The following TCF12 variants were observed in gnomAD, a reference collection of about 807,000 sequenced individuals.
The protein encoded by TCF12 is transcription factor 12, also known as DNA-binding protein HTF4.
TCF12 carries 45 observed loss-of-function variants against 86.0 expected under a neutral mutation model. That is an observed-to-expected ratio of 0.52 (90% CI 0.41 to 0.67). TCF12 has a LOEUF of 0.67. Among genes scored for constraint, TCF12 ranks in the 30% least tolerant of loss-of-function variants. The pLI, the probability that TCF12 is intolerant of heterozygous loss-of-function variation, is 0.00. For missense variants in TCF12, 881 were observed against 859.9 expected, an observed-to-expected ratio of 1.02 and a Z score of -0.31; for synonymous variants, 330 against 299.6, an observed-to-expected ratio of 1.10 and a Z score of -1.05.
intron 5 of TCF12, among the ~76,000 whole-genome samples, chr15:57,125,913 A>G (rs1181788299): frequency 3.3e-5 from 5 of 152,214 alleles, no homozygotes; most frequent in Admixed American, 1.3e-4. Context: ...TAGGTTTATC[A>G]TACTTAGATT....
intron 5 of TCF12, among the ~76,000 whole-genome samples, chr15:57,131,573 C>T (rs535396607): frequency 1.3e-5 from 2 of 152,146 alleles, no homozygotes; most frequent in South Asian, 4.2e-4. Context: ...AATCACTCAT[C>T]ATCAATTTTA....
intron 5 of TCF12, among the ~76,000 whole-genome samples, chr15:57,150,812 A>C (rs1306227211): frequency 2.6e-5 from 4 of 151,866 alleles, no homozygotes; most frequent in Non-Finnish European, 5.9e-5. Flanking sequence ...TGCTATGAAA[A>C]AAACGGAATT....
chr15:56,961,923 A>C (rs147533467), intron 3 of TCF12, among the ~76,000 whole-genome samples: 1,758 of 152,096 alleles, frequency 0.012, 30 homozygotes, highest in African/African-American at 0.04. Flanking sequence ...TGGGTGGATC[A>C]CGAGGTCAGG....
chr15:56,943,199 A>G (rs2060854655), intron 3 of TCF12, among the ~76,000 whole-genome samples: 1 of 152,158 alleles, frequency 6.6e-6, no homozygotes, highest in Admixed American at 6.5e-5. Context: ...TTTTCATTTA[A>G]CAAGAGGATA....
chr15:56,940,940 G>A (rs1345734681), intron 3 of TCF12, among the ~76,000 whole-genome samples: 2 of 117,394 alleles, frequency 1.7e-5, no homozygotes, highest in Admixed American at 8.7e-5. Context: ...TTTTCTTTTT[G>A]GGTAGAGACA....
intron 15 of TCF12, among the ~76,000 whole-genome samples, chr15:57,253,038 T>G (rs941860444): frequency 9.2e-5 from 14 of 151,980 alleles, no homozygotes; most frequent in African/African-American, 3.1e-4. Flanking sequence ...AAATTCGTTT[T>G]ATAAAGCAGT....
chr15:56,955,801 T>G (rs866128913), intron 3 of TCF12, among the ~76,000 whole-genome samples: 20 of 152,180 alleles, frequency 1.3e-4, no homozygotes, highest in Admixed American at 3.3e-4. Context: ...TTTTCTGTTT[T>G]GGAGATCTAT....
At chr15:57,255,542 G>A (rs2060307671) in intron 16 of TCF12, among the ~76,000 whole-genome samples, 1 of 152,136 alleles carries the variant, frequency 6.6e-6, no homozygotes, top group Non-Finnish European at 1.5e-5. Flanking sequence ...GGAGTGCAGT[G>A]CCGTGATCTC....
upstream of TCF12, chr15:56,918,236 G>T (rs1205419665): frequency 6.6e-6 from 3 of 456,184 alleles, no homozygotes; most frequent in African/African-American, 2.0e-5. Context: ...GTGTCCTGCG[G>T]CCTCGGGTTC....
intron 6 of TCF12, 53 bp from the exon 7 acceptor site, chr15:57,192,105 T>C: frequency 6.3e-7 from 1 of 1,594,562 alleles, no homozygotes; most frequent in South Asian, 1.1e-5. Context: ...AATTTTCAGG[T>C]TTGGGTCAGT....
intron 8 of TCF12, chr15:57,213,975 T>G (rs2591051): frequency 3.9e-5 from 6 of 152,202 alleles, no homozygotes; most frequent in Admixed American, 1.3e-4. Flanking sequence ...TACACACACC[T>G]TTAGGCAGTC....
At position 56,959,573 on chromosome 15, in the gene TCF12, T is replaced by G. The variant is rs117007512; in HGVS notation, c.148+38475T>G. On this transcript the variant is annotated intron_variant, in intron 3 of 20. Coordinates refer to ENST00000333725, the MANE Select transcript of TCF12 (RefSeq NM_207037.2). The stretch of plus-strand genomic sequence containing the variant: ...TGAAAAGCTGAAGCAATAATTCAGT[T>G]TTTGTAGGAGAAACACCTTACATAC... Among the ~76,000 whole-genome samples the G allele has an allele frequency of 5.4e-4, 82 of 152,342 alleles. 2 individuals are homozygous for G. The East Asian group carries it at 0.014, about 26-fold the overall frequency.
chr15:57,206,257 C>G (rs1354897949), intron 8 of TCF12, among the ~76,000 whole-genome samples: 1 of 152,162 alleles, frequency 6.6e-6, no homozygotes. Flanking sequence ...AATCCCAGTG[C>G]TTTGGGAGGC....
chr15:57,067,258 A>C (rs1949644392), intron 4 of TCF12, among the ~76,000 whole-genome samples: 1 of 152,172 alleles, frequency 6.6e-6, no homozygotes, highest in African/African-American at 2.4e-5. Context: ...GAGTGGTTAT[A>C]GGCCGGGCGC....
At chr15:57,274,062 C>T (rs1690843946) in intron 19 of TCF12, among the ~76,000 whole-genome samples, 1 of 152,118 alleles carries the variant, frequency 6.6e-6, no homozygotes, top group Non-Finnish European at 1.5e-5. Context: ...TATATATTGT[C>T]TTAAAATATC....
intron 3 of TCF12, among the ~76,000 whole-genome samples, chr15:57,053,614 C>A (rs148843861): frequency 8.2e-6 from 1 of 121,958 alleles, no homozygotes; most frequent in Non-Finnish European, 1.9e-5. Context: ...TGTAGCCCAT[C>A]ACCTTTTTTT....
chr15:57,128,209 T>C (rs1489543483), intron 5 of TCF12, among the ~76,000 whole-genome samples: 1 of 152,216 alleles, frequency 6.6e-6, no homozygotes, highest in Non-Finnish European at 1.5e-5. Context: ...CTGATTTTCC[T>C]ACTGTACATC....
chr15:57,023,947 G>C (rs1228808362), intron 3 of TCF12, among the ~76,000 whole-genome samples: 2 of 152,018 alleles, frequency 1.3e-5, no homozygotes, highest in Non-Finnish European at 2.9e-5. Context: ...TTCACAACAG[G>C]GTTCATGTGC....
chr15:57,067,880 G>C (rs896119436), intron 4 of TCF12, among the ~76,000 whole-genome samples: 4 of 152,214 alleles, frequency 2.6e-5, no homozygotes, highest in Non-Finnish European at 5.9e-5. Flanking sequence ...ATCTCAGGTA[G>C]TTTAGACATG....
Sources: gnomAD v4.1 joint callset for allele counts (sites outside exome capture counted in the v4.1 genomes callset) on GRCh38, gnomAD v4.1.1 for gene constraint, MANE v1.5 for transcripts, NCBI Gene and HGNC (gene_info 2026-07-23, HGNC 2026-07-21) for gene names.